The following ZDHHC20 variants were observed in gnomAD, a reference collection of about 807,000 sequenced individuals.
The protein encoded by ZDHHC20 is zDHHC palmitoyltransferase 20, also known as palmitoyltransferase ZDHHC20.
Under a neutral mutation model 57.8 loss-of-function variants are expected in ZDHHC20, and 43 were observed. The ratio of observed to expected loss-of-function variants is 0.74; its 90% CI spans 0.58 to 0.96. The LOEUF is 0.96. Ranked by LOEUF, ZDHHC20 falls within the 40% of genes least tolerant of loss-of-function variation. ZDHHC20 has a pLI of 0.00. For synonymous variants in ZDHHC20, 157 were observed against 153.0 expected (o/e 1.03, Z -0.19); for missense variants, 391 against 441.1 (o/e 0.89, Z 1.02).
intron 7 of ZDHHC20, among the ~76,000 whole-genome samples, chr13:21,399,535 T>C (rs1877312786): frequency 1.3e-5 from 2 of 152,170 alleles, no homozygotes; most frequent in South Asian, 4.1e-4. Flanking sequence ...TCAAAAAATA[T>C]ATACTTCCAT....
intron 7 of ZDHHC20, among the ~76,000 whole-genome samples, chr13:21,396,791 C>T (rs1052034385): frequency 6.6e-6 from 1 of 151,128 alleles, no homozygotes; most frequent in African/African-American, 2.4e-5. Context: ...TGAGATTGTG[C>T]CACTGCACTC....
intron 1 of ZDHHC20, among the ~76,000 whole-genome samples, chr13:21,454,352 C>G (rs1230540862): frequency 6.6e-6 from 1 of 151,872 alleles, no homozygotes; most frequent in Non-Finnish European, 1.5e-5. Context: ...CAAAAACAAA[C>G]AAACAAAAAG....
At position 21,403,819 on chromosome 13, in the gene ZDHHC20, C is replaced by A. The variant is rs1406127191; in HGVS notation, c.371-953G>T. 2.0e-5 allele frequency among the ~76,000 whole-genome samples: 3 copies of A among 152,158 alleles called. No homozygotes were observed. In the East Asian group the frequency reaches 5.8e-4, roughly 29 times the overall value. Reference sequence around the variant, plus strand: ...TCTCCTGCCTCAGCCTCCCGAGTAGCTGGGACAACAGGTGTGCGCCATCAT... The same window carrying A: ...TCTCCTGCCTCAGCCTCCCGAGTAGATGGGACAACAGGTGTGCGCCATCAT... On this transcript the variant is annotated intron_variant, in intron 4 of 12. Coordinates refer to ENST00000400590, the MANE Select transcript of ZDHHC20 (RefSeq NM_001330059.2).
chr13:21,407,029 C>T (rs976643469), intron 4 of ZDHHC20, among the ~76,000 whole-genome samples: 6 of 152,114 alleles, frequency 3.9e-5, no homozygotes, highest in African/African-American at 1.4e-4. Context: ...TTCTTTGTCA[C>T]CCAGGCTGGA....
intron 11 of ZDHHC20, among the ~76,000 whole-genome samples, chr13:21,379,825 C>CTTTTTTTTTTT (rs56681468): frequency 1.5e-5 from 2 of 137,730 alleles, no homozygotes; most frequent in East Asian, 2.2e-4. Flanking sequence ...TTTCTTTTTT[C>CTTTTTTTTTTT]TTTTTTTTTG....
intron 7 of ZDHHC20, among the ~76,000 whole-genome samples, chr13:21,399,067 G>A (rs952265756): frequency 2.0e-5 from 3 of 152,186 alleles, no homozygotes; most frequent in African/African-American, 4.8e-5. Context: ...TCTTGGCCAG[G>A]TGCAGTGGCT....
intron 8 of ZDHHC20, 49 bp from the exon 9 acceptor site, chr13:21,387,683 A>G (rs1269703713): frequency 1.6e-5 from 19 of 1,196,282 alleles, no homozygotes; most frequent in Admixed American, 3.9e-5. Flanking sequence ...TTTAAAAATT[A>G]TAGGAGGGAT....
At chr13:21,449,463 T>C (rs529541613) in intron 1 of ZDHHC20, among the ~76,000 whole-genome samples, 28 of 152,140 alleles carry the variant, frequency 1.8e-4, no homozygotes, top group African/African-American at 6.5e-4. Context: ...TCTGGACTCC[T>C]TACATGATGA....
At chr13:21,443,824 T>G (rs1883418034) in intron 1 of ZDHHC20, among the ~76,000 whole-genome samples, 1 of 152,214 alleles carries the variant, frequency 6.6e-6, no homozygotes, top group Admixed American at 6.5e-5. Context: ...TTTCTAGAAC[T>G]TCCACATGTG....
chr13:21,381,825 A>C, intron 10 of ZDHHC20: 2 of 559,518 alleles, frequency 3.6e-6, no homozygotes, highest in South Asian at 1.6e-5. Context: ...AAATGTTCTT[A>C]ATATGTTAAT....
At chr13:21,409,346 T>C (rs1182058794) in intron 4 of ZDHHC20, among the ~76,000 whole-genome samples, 1 of 152,236 alleles carries the variant, frequency 6.6e-6, no homozygotes, top group Non-Finnish European at 1.5e-5. Context: ...GGAGGGTATA[T>C]GTGTCCAGGA....
chr13:21,432,705 C>A (rs1462116532), intron 1 of ZDHHC20, among the ~76,000 whole-genome samples: 2 of 152,046 alleles, frequency 1.3e-5, no homozygotes, highest in Non-Finnish European at 2.9e-5. Flanking sequence ...CTGACCTCAA[C>A]TGATCCGCCT....
At chr13:21,448,095 C>A (rs1463780956) in intron 1 of ZDHHC20, among the ~76,000 whole-genome samples, 1 of 142,636 alleles carries the variant, frequency 7.0e-6, no homozygotes, top group Admixed American at 6.9e-5. Context: ...GCAGCCGCCC[C>A]GTCTGGGAGG....
chr13:21,404,314 T>G (rs1484038363), intron 4 of ZDHHC20: 1 of 502,796 alleles, frequency 2.0e-6, no homozygotes, highest in African/African-American at 1.9e-5. Flanking sequence ...TCATTGGAGC[T>G]CCTTTCTATT....
chr13:21,458,733 C>G (rs1885130830), intron 1 of ZDHHC20, among the ~76,000 whole-genome samples: 2 of 152,222 alleles, frequency 1.3e-5, no homozygotes, highest in East Asian at 1.9e-4. Context: ...TCGACTACTC[C>G]CGTTCTGCAC....
chr13:21,408,970 A>C (rs1225627386), intron 4 of ZDHHC20, among the ~76,000 whole-genome samples: 1 of 152,152 alleles, frequency 6.6e-6, no homozygotes, highest in Admixed American at 6.5e-5. Context: ...ACTTGATCAT[A>C]GTGGATAAGC....
At chr13:21,389,014 T>G (rs1188711121) in intron 8 of ZDHHC20, among the ~76,000 whole-genome samples, 2 of 152,172 alleles carry the variant, frequency 1.3e-5, no homozygotes, top group Non-Finnish European at 2.9e-5. Context: ...TACATCAGAA[T>G]ACAGCAAATA....
chr13:21,421,001 A>G, intron 3 of ZDHHC20, 60 bp downstream of exon 3: 1 of 1,386,378 alleles, frequency 7.2e-7, no homozygotes, highest in Non-Finnish European at 1.0e-6. Context: ...AGGTAACACA[A>G]GGGAAAAAAA....
At chr13:21,432,627 T>C (rs1438826604) in intron 1 of ZDHHC20, among the ~76,000 whole-genome samples, 3 of 152,076 alleles carry the variant, frequency 2.0e-5, no homozygotes, top group African/African-American at 7.2e-5. Flanking sequence ...ACATCTCTCC[T>C]GGACAACTTT....
Sources: gnomAD v4.1 joint callset for allele counts (sites outside exome capture counted in the v4.1 genomes callset) on GRCh38, gnomAD v4.1.1 for gene constraint, MANE v1.5 for transcripts, NCBI Gene and HGNC (gene_info 2026-07-23, HGNC 2026-07-21) for gene names.